PCDH15: variants seen among roughly 807,000 people sequenced by gnomAD.
PCDH15 encodes the protein protocadherin-15.
A neutral mutation model predicts 178.5 loss-of-function variants in PCDH15; 129 were observed. That is an observed-to-expected ratio of 0.72 (90% CI 0.63 to 0.84). PCDH15 has a LOEUF of 0.84. PCDH15 is among the 40% of genes least tolerant of loss of function. PCDH15 has a pLI of 0.00. For synonymous variants in PCDH15, 800 were observed against 732.0 expected, an observed-to-expected ratio of 1.09 and a Z score of -1.50; for missense variants, 2,230 against 2,099.9, an observed-to-expected ratio of 1.06 and a Z score of -1.21.
chr10:55,035,179 A>G (rs542034808), intron 2 of PCDH15, among the ~76,000 whole-genome samples: 38 of 151,432 alleles, frequency 2.5e-4, no homozygotes, highest in African/African-American at 9.1e-4. Context: ...TCTTCATTTA[A>G]ACTTAATTTC....
intron 1 of PCDH15, among the ~76,000 whole-genome samples, chr10:54,745,236 C>A (rs1945298863): frequency 6.6e-6 from 1 of 152,010 alleles, no homozygotes; most frequent in African/African-American, 2.4e-5. Context: ...GAGTACCTAC[C>A]TGTGTTCTTC....
At chr10:54,242,139 T>TATATAC (rs2055409282) in intron 8 of PCDH15, among the ~76,000 whole-genome samples, 2 of 15,540 alleles carry the variant, frequency 1.3e-4, no homozygotes, top group African/African-American at 8.8e-4. Context: ...TTTATATATA[T>TATATAC]ATATATATAT....
At chr10:53,903,161 T>C (rs1418369953) in intron 26 of PCDH15, 82 bp downstream of exon 26, 3 of 1,508,312 alleles carry the variant, frequency 2.0e-6, no homozygotes, top group Non-Finnish European at 2.7e-6. Context: ...AGTATGCAGT[T>C]AATGCAAACT....
chr10:54,986,981 C>T (rs1399698207), intron 2 of PCDH15, among the ~76,000 whole-genome samples: 1 of 152,070 alleles, frequency 6.6e-6, no homozygotes, highest in Non-Finnish European at 1.5e-5. Context: ...TGGTTTGCTG[C>T]ACCTATTAAT....
chr10:55,180,779 T>C (rs1839627370), intron 1 of PCDH15, among the ~76,000 whole-genome samples: 2 of 152,088 alleles, frequency 1.3e-5, no homozygotes, highest in African/African-American at 4.8e-5. Context: ...CACATTTCAG[T>C]TGCAGATGCC....
In PCDH15 at chr10:53,807,024, G is replaced by C. The variant is rs555502440; in HGVS notation, c.4778C>G (p.Pro1593Arg). 130 of 1,613,646 alleles carry C rather than the reference G, an allele frequency of 8.1e-5. 1 individual carries two copies. The South Asian group carries it at 1.4e-3, about 17-fold the overall frequency. The change falls in exon 38 of 38, where the codon CCT becomes CGT. Residue 1593 changes from proline to arginine, a missense_variant. Transcript: ENST00000644397. ...GCCGTTGATATTACTGTGGATACTAGGATGGTGAAGACGGTTTCTCTGACA... is the reference window on the plus strand; with the variant it reads ...GCCGTTGATATTACTGTGGATACTACGATGGTGAAGACGGTTTCTCTGACA... The part of the protein sequence containing the change: ...PECQRNRLHH[P>R]SIHSNINGNI...
chr10:54,516,452 G>A (rs1209181695), intron 3 of PCDH15, among the ~76,000 whole-genome samples: 1 of 152,010 alleles, frequency 6.6e-6, no homozygotes, highest in African/African-American at 2.4e-5. Flanking sequence ...CTGGAAGAAA[G>A]GGTATCAGTG....
chr10:54,168,247 G>A (rs1187350892), intron 13 of PCDH15, among the ~76,000 whole-genome samples: 1 of 152,104 alleles, frequency 6.6e-6, no homozygotes, highest in Non-Finnish European at 1.5e-5. Context: ...AACGGTCTGA[G>A]GTGCCTGACG....
chr10:54,137,087 TAAC>T (rs1360087899), intron 14 of PCDH15, among the ~76,000 whole-genome samples: 10 of 152,282 alleles, frequency 6.6e-5, no homozygotes, highest in African/African-American at 2.4e-4. Context: ...CCCATAGTAT[TAAC>T]AATAAAATAA....
In PCDH15 at chr10:54,749,542, T is replaced by C. The variant is rs531054294; in HGVS notation, c.-29+51383A>G. 5.0e-4 allele frequency among the ~76,000 whole-genome samples: 76 copies of C among 152,296 alleles called. 1 individual carries two copies. The highest frequency in any genetic ancestry group is 1.2e-3 in the Admixed American group (18 of 15,300). ...AGTTCCATTTACTCATTCGAATGGC[T>C]ATACTTTTTTAGAATCTCTTCAAAT... On this transcript the variant is annotated intron_variant, in intron 1 of 37. Transcript: ENST00000644397.
At chr10:54,691,632 C>A (rs1444565907) in intron 1 of PCDH15, among the ~76,000 whole-genome samples, 1 of 151,780 alleles carries the variant, frequency 6.6e-6, no homozygotes, top group Admixed American at 6.6e-5. Context: ...CTTAACTCTT[C>A]AGCCACACAT....
intron 10 of PCDH15, 117 bp downstream of exon 10, chr10:54,213,819 G>T: frequency 3.1e-6 from 2 of 643,842 alleles, no homozygotes; most frequent in Non-Finnish European, 5.4e-6. Context: ...AAAATTGACT[G>T]ACTGCTGTCC....
intron 18 of PCDH15, among the ~76,000 whole-genome samples, chr10:54,039,995 G>C (rs888731945): frequency 6.6e-6 from 1 of 151,920 alleles, no homozygotes; most frequent in African/African-American, 2.4e-5. Context: ...GGAAGAAAAG[G>C]ACAACATATA....
rs548007723 is a variant in PCDH15 at position 55,139,512 on chromosome 10, T to C, written c.-80+27064A>G. ...CATTATTTGCCTTTAGATGTTCAGATGTTCCAAATGTTTCCACACCATTTG... is the reference window on the plus strand; with the variant it reads ...CATTATTTGCCTTTAGATGTTCAGACGTTCCAAATGTTTCCACACCATTTG... On this transcript the variant is annotated intron_variant, in intron 2 of 5. Coordinates refer to the PCDH15 transcript ENST00000458638. 9.2e-5 allele frequency among the ~76,000 whole-genome samples: 14 copies of C among 152,240 alleles called. No individual in the cohort carries two copies. The South Asian group carries it at 2.9e-3, about 32-fold the overall frequency.
chr10:54,795,263 G>A lies in PCDH15; in HGVS notation c.-29+5662C>T, dbSNP rs949694098. ...CACTTACTTTTTAAAAATTCCTACC[G>A]CCTCTCTCTTCCAAAACCAGTCCTT... On this transcript the variant is annotated intron_variant, in intron 1 of 37. Coordinates refer to ENST00000644397, the MANE Select transcript of PCDH15 (RefSeq NM_001384140.1). Among the ~76,000 whole-genome samples the A allele has an allele frequency of 1.7e-4, 25 of 151,382 alleles. 1 individual carries two copies. In the South Asian group the frequency reaches 1.9e-3, roughly 11 times the overall value.
chr10:54,674,179 C>T (rs975089413), intron 1 of PCDH15, among the ~76,000 whole-genome samples: 1 of 152,142 alleles, frequency 6.6e-6, no homozygotes, highest in African/African-American at 2.4e-5. Context: ...CTTCGGCCAA[C>T]TGAACTGCAA....
At chr10:55,453,114 G>C (rs1306678691) in intron 2 of PCDH15, among the ~76,000 whole-genome samples, 1 of 152,102 alleles carries the variant, frequency 6.6e-6, no homozygotes, top group Non-Finnish European at 1.5e-5. Context: ...CTAAATCTCA[G>C]AGTCATTTGA....
intron 2 of PCDH15, among the ~76,000 whole-genome samples, chr10:55,381,073 G>A (rs557860392): frequency 2.3e-4 from 35 of 152,258 alleles, no homozygotes; most frequent in Non-Finnish European, 4.6e-4. Context: ...AATGAGAGGA[G>A]GGACAGAAAC....
chr10:53,842,004 A>G (rs767850771), intron 28 of PCDH15, among the ~76,000 whole-genome samples: 2 of 151,524 alleles, frequency 1.3e-5, no homozygotes, highest in Non-Finnish European at 2.9e-5. Context: ...GTACTGAGAG[A>G]CACAGACTAG....
Sources: allele counts gnomAD v4.1 joint callset (sites outside exome capture counted in the v4.1 genomes callset), GRCh38; gene constraint gnomAD v4.1.1; transcripts MANE v1.5; gene names NCBI Gene and HGNC (gene_info 2026-07-23, HGNC 2026-07-21).